Variants in GALNT15 observed in about 807,000 individuals in gnomAD.
The protein encoded by GALNT15 is UDP-GalNAc transferase T15.
Under a neutral mutation model 66.8 loss-of-function variants are expected in GALNT15, and 67 were observed. The observed-to-expected ratio is 1.00, with a 90% CI of 0.82 to 1.23. The LOEUF (loss-of-function observed/expected upper bound fraction) is 1.23. GALNT15 is among the 50% of genes most tolerant of loss of function. The pLI, the probability that GALNT15 is intolerant of heterozygous loss-of-function variation, is 0.00. For missense variants in GALNT15, 827 were observed against 804.3 expected, an observed-to-expected ratio of 1.03 and a Z score of -0.34; for synonymous variants, 313 against 311.5, an observed-to-expected ratio of 1.00 and a Z score of -0.05.
Position 16,228,364 on chromosome 3 carries a change from G to A in GALNT15, c.*864G>A, listed in dbSNP as rs1018692466. 18 of 984,810 alleles carry A rather than the reference G, an allele frequency of 1.8e-5. No individual in the cohort carries two copies. In the Admixed American group the frequency reaches 3.1e-4, roughly 17 times the overall value. 61.0% of individuals were successfully genotyped at this position (984,810 alleles called of 1,614,324 possible). A position where few individuals can be genotyped will look rare whatever the true frequency, so the allele number is the denominator to read the frequency against. On this transcript the variant is annotated 3_prime_UTR_variant, in exon 10 of 10. Coordinates refer to ENST00000339732, the MANE Select transcript of GALNT15 (RefSeq NM_054110.5). Reference sequence around the variant, plus strand: ...TCACAGTTGAGAAACTCTCCTGCCGGGCGCGGTGGCTCATGCCTGTAATTC... The same window carrying A: ...TCACAGTTGAGAAACTCTCCTGCCGAGCGCGGTGGCTCATGCCTGTAATTC...
intron 6 of GALNT15, among the ~76,000 whole-genome samples, chr3:16,214,874 C>T (rs1468467411): frequency 6.6e-6 from 1 of 152,146 alleles, no homozygotes; most frequent in Admixed American, 6.5e-5. Flanking sequence ...GAGCAACTGG[C>T]CTTCTACAGA....
chr3:16,198,428 A>T (rs2063662719), intron 2 of GALNT15, among the ~76,000 whole-genome samples: 1 of 142,822 alleles, frequency 7.0e-6, no homozygotes, highest in South Asian at 2.2e-4. Context: ...TGCTGCCAGC[A>T]GTGACAGGAA....
chr3:16,236,131 A>AAAAAG (rs869163721), downstream of GALNT15, among the ~76,000 whole-genome samples: 2 of 147,398 alleles, frequency 1.4e-5, no homozygotes, highest in African/African-American at 2.5e-5. Flanking sequence ...AAAAAAAAAA[A>AAAAAG]GGACTGGGCA....
chr3:16,207,756 T>C (rs528625993), intron 3 of GALNT15, among the ~76,000 whole-genome samples: 7 of 152,120 alleles, frequency 4.6e-5, no homozygotes, highest in Admixed American at 1.3e-4. Flanking sequence ...ATAAACTCTC[T>C]GACATCGTGC....
At chr3:16,243,316 G>A in the GALNT15 span, among the ~76,000 whole-genome samples, 1 of 152,216 alleles carries the variant, frequency 6.6e-6, no homozygotes, top group Non-Finnish European at 1.5e-5. Flanking sequence ...GAGGCCCAAG[G>A]ATGCGACACT....
Position 16,207,337 on chromosome 3 carries a change from T to C in GALNT15, c.912-1166T>C, listed in dbSNP as rs183632305. On this transcript the variant is annotated intron_variant, in intron 3 of 9. Coordinates refer to ENST00000339732, the MANE Select transcript of GALNT15 (RefSeq NM_054110.5). ...GGCCTGATTCATTCCATGGCACAGA[T>C]TGAAGACATAATTACCATGACAGGC... Among the ~76,000 whole-genome samples the C allele has an allele frequency of 2.0e-5, 3 of 152,010 alleles. No individual in the cohort carries two copies. In the East Asian group the frequency reaches 5.8e-4, roughly 29 times the overall value.
chr3:16,218,810 C>CTT (rs10538222), intron 6 of GALNT15, among the ~76,000 whole-genome samples: 6,261 of 92,818 alleles, frequency 0.067, 402 homozygotes, highest in South Asian at 0.15. Context: ...CTCTCTCTCT[C>CTT]TTTTTTTTTT....
chr3:16,187,825 G>C lies in GALNT15; in HGVS notation c.540-7935G>C, dbSNP rs201924388. On this transcript the variant is annotated intron_variant, in intron 1 of 9. Coordinates refer to ENST00000339732, the MANE Select transcript of GALNT15 (RefSeq NM_054110.5). The surrounding 1 kb of genome is among the most constrained non-coding windows in gnomAD (Gnocchi z 5.1). ...TCATGCTGCTAAAGCACAGCACCTG[G>C]TACATAGGACTCCTCATGAAGTGGT... Among the ~76,000 whole-genome samples the C allele has an allele frequency of 2.6e-5, 4 of 152,228 alleles. No homozygotes were observed. The East Asian group carries it at 7.7e-4, about 29-fold the overall frequency.
rs772053852 is a variant in GALNT15, at chr3:16,175,475, G to C, written c.324G>C (p.Gln108His). The C allele has an allele frequency of 2.5e-5, 40 of 1,614,060 alleles. No homozygotes were observed. Among genetic ancestry groups the C allele is most frequent in the Non-Finnish European group, 3.3e-5 (39 of 1,179,936 alleles). The stretch of plus-strand genomic sequence containing the variant: ...CCTTACCCCAGGCCAGAAGGAACCA[G>C]AGCCAGGGCAGGAGAGGTGGGAGCT... ...AVALPQARRN[Q>H]SQGRRGGSYR... Residue 108 changes from glutamine (Q) to histidine (H), a missense_variant, in exon 1 of 10, where the codon CAG becomes CAC. Physicochemically the swap from Gln to His is conservative, Grantham distance 24. Coordinates refer to ENST00000339732, the MANE Select transcript of GALNT15 (RefSeq NM_054110.5). This position sits in a 1 kb window ranked among gnomAD's most constrained non-coding sequence, Gnocchi z 5.6.
At chr3:16,232,787 C>G (rs1044107765), downstream of GALNT15, among the ~76,000 whole-genome samples, 3 of 151,588 alleles carry the variant, frequency 2.0e-5, no homozygotes, top group Non-Finnish European at 2.9e-5. Context: ...CAGTGCTCCT[C>G]AAATTTTCCT....
At chr3:16,223,242 A>G (rs2063966963) in intron 9 of GALNT15, among the ~76,000 whole-genome samples, 1 of 152,112 alleles carries the variant, frequency 6.6e-6, no homozygotes, top group African/African-American at 2.4e-5. Flanking sequence ...CATTTTAGTA[A>G]AATTTTGACC....
At chr3:16,221,543 A>G (rs2124901173) in intron 8 of GALNT15, among the ~76,000 whole-genome samples, 1 of 152,266 alleles carries the variant, frequency 6.6e-6, no homozygotes, top group East Asian at 1.9e-4. Context: ...TGTTGGCTGC[A>G]TGCAAGGGAT....
At position 16,187,672 on chromosome 3, in the gene GALNT15, A is replaced by G. The variant is rs1279822431; in HGVS notation, c.540-8088A>G. 6.6e-6 allele frequency among the ~76,000 whole-genome samples: 1 copy of G among 152,208 alleles called. No individual in the cohort carries two copies. The highest frequency in any genetic ancestry group is 2.4e-5 in the African/African-American group (1 of 41,452). On this transcript the variant is annotated intron_variant, in intron 1 of 9. Transcript: ENST00000339732. The surrounding 1 kb of genome is among the most constrained non-coding windows in gnomAD (Gnocchi z 5.1). The stretch of plus-strand genomic sequence containing the variant: ...AGAAATAGATTCCATTTCTTGATGC[A>G]AGGAGTGGCTGACTCACATTATAAA...
Position 16,211,154 on chromosome 3 carries a change from CATGG to C in GALNT15, c.1112_1115del (p.Met371ThrfsTer44). The C allele has an allele frequency of 6.2e-7, 1 of 1,613,890 alleles. No individual in the cohort carries two copies. The highest frequency in any genetic ancestry group is 8.5e-7 in the Non-Finnish European group (1 of 1,179,822). The stretch of plus-strand genomic sequence containing the variant: ...CTGTGGTGCCCGGAGAGGTGGTGGC[CATGG>C]ACAGACATTACTTCCAAAACACTGG... On this transcript the variant is annotated frameshift_variant, in exon 5 of 10. Coordinates refer to ENST00000339732, the MANE Select transcript of GALNT15 (RefSeq NM_054110.5). LOFTEE classifies it high-confidence loss of function. The surrounding 1 kb of genome is among the most constrained non-coding windows in gnomAD (Gnocchi z 4.3).
rs769925711 is a variant in GALNT15, at chr3:16,211,148, G to T, written c.1104G>T (p.Val368=). 4.3e-6 allele frequency: 7 copies of T among 1,613,628 alleles called. No homozygotes were observed. Among genetic ancestry groups the T allele is most frequent in the Non-Finnish European group, 2.5e-6 (3 of 1,179,720 alleles). ...GGAGCCCTGTGGTGCCCGGAGAGGT[G>T]GTGGCCATGGACAGACATTACTTCC... is the stretch of plus-strand genomic sequence containing the variant. ...PIRSPVVPGE[V]VAMDRHYFQN... The change falls in exon 5 of 10, where the codon GTG becomes GTT. Residue 368 remains valine (V), a synonymous_variant. Transcript: ENST00000339732. The surrounding 1 kb of genome is among the most constrained non-coding windows in gnomAD (Gnocchi z 4.3).
Position 16,200,761 on chromosome 3 carries a change from T to G in GALNT15, c.849T>G (p.Asp283Glu). ...RATGDVLVFM[D>E]AHCECHPGWL... is the part of the protein sequence containing the mutation. ...CCGGGGATGTGCTCGTCTTCATGGA[T>G]GCCCACTGCGAGTGCCACCCAGGCT... Residue 283 changes from aspartate to glutamate, a missense_variant, in exon 3 of 10, where the codon GAT becomes GAG. Asp to Glu is a conservative substitution (Grantham distance 45). Coordinates refer to ENST00000339732, the MANE Select transcript of GALNT15 (RefSeq NM_054110.5). The surrounding 1 kb of genome is among the most constrained non-coding windows in gnomAD (Gnocchi z 4.4). 6.2e-7 allele frequency: 1 copy of G among 1,612,770 alleles called. No individual in the cohort carries two copies. The highest frequency in any genetic ancestry group is 1.1e-5 in the South Asian group (1 of 90,768).
chr3:16,208,756 CACAGTTTCCTAGTAAATT>C, intron 4 of GALNT15, 86 bp downstream of exon 4: 1 of 1,213,904 alleles, frequency 8.2e-7, no homozygotes, highest in Non-Finnish European at 1.2e-6. Flanking sequence ...ATCCTACCTC[CACAGTTTCCTAGTAAATT>C]ACTTAATGTA....
downstream of GALNT15, among the ~76,000 whole-genome samples, chr3:16,233,882 G>A (rs2064107792): frequency 6.6e-6 from 1 of 152,148 alleles, no homozygotes; most frequent in Non-Finnish European, 1.5e-5. Flanking sequence ...ATATGGATTT[G>A]GAATAACAGG....
chr3:16,232,014 A>T, downstream of GALNT15: 1 of 1,415,508 alleles, frequency 7.1e-7, no homozygotes, highest in South Asian at 1.5e-5. Flanking sequence ...TAAAGTCATA[A>T]CTTGCCCAGA....
Sources: gnomAD v4.1 joint callset for allele counts (sites outside exome capture counted in the v4.1 genomes callset) on GRCh38, gnomAD v4.1.1 for gene constraint, Gnocchi (gnomAD v3.1) non-coding constraint, MANE v1.5 for transcripts, NCBI Gene and HGNC (gene_info 2026-07-23, HGNC 2026-07-21) for gene names.